ART3: variants seen among roughly 807,000 people sequenced by gnomAD.
The protein encoded by ART3 is ecto-ADP-ribosyltransferase 3.
Under a neutral mutation model 48.5 loss-of-function variants are expected in ART3, and 49 were observed. The observed-to-expected ratio is 1.01, with a 90% CI of 0.80 to 1.28. The LOEUF (loss-of-function observed/expected upper bound fraction) is 1.28. ART3 is among the 50% of genes most tolerant of loss of function. The probability of loss-of-function intolerance (pLI) is 0.00; values close to 1 mark genes in which losing one functional copy is unlikely to be tolerated. For missense variants in ART3, 438 were observed against 454.3 expected, an observed-to-expected ratio of 0.96 and a Z score of 0.33; for synonymous variants, 145 against 157.2, an observed-to-expected ratio of 0.92 and a Z score of 0.58.
chr4:76,048,541 A>G (rs916246500), intron 1 of ART3, among the ~76,000 whole-genome samples: 1 of 151,718 alleles, frequency 6.6e-6, no homozygotes, highest in Non-Finnish European at 1.5e-5. Context: ...AGAACCCACA[A>G]CGGTCCCTGG....
intron 1 of ART3, among the ~76,000 whole-genome samples, chr4:76,027,938 A>G (rs1733554362): frequency 6.6e-6 from 1 of 152,082 alleles, no homozygotes; most frequent in South Asian, 2.1e-4. Context: ...ACTAAGATGA[A>G]AATTAAAAGA....
At chr4:76,044,757 C>G (rs184540689) in intron 1 of ART3, among the ~76,000 whole-genome samples, 1 of 152,018 alleles carries the variant, frequency 6.6e-6, no homozygotes, top group East Asian at 1.9e-4. Context: ...CTCTTTCTCT[C>G]TTTCCTTCTT....
intron 3 of ART3, among the ~76,000 whole-genome samples, chr4:76,082,971 G>A (rs543793038): frequency 6.6e-6 from 1 of 152,134 alleles, no homozygotes; most frequent in Non-Finnish European, 1.5e-5. Flanking sequence ...CTACTATAAG[G>A]CTTACAATAA....
In ART3 at chr4:76,090,152, C is replaced by G. The variant is rs149414990; in HGVS notation, c.782-7492C>G. Reference sequence around the variant, plus strand: ...CCTCAGCCACTGTTTAGAAAAACCACAGATCTAATGGCAGGTCAGCCACAT... The same window carrying G: ...CCTCAGCCACTGTTTAGAAAAACCAGAGATCTAATGGCAGGTCAGCCACAT... On this transcript the variant is annotated intron_variant, in intron 3 of 11. Coordinates refer to ENST00000355810, the MANE Select transcript of ART3 (RefSeq NM_001130016.3). Among the ~76,000 whole-genome samples the G allele has an allele frequency of 6.6e-5, 10 of 152,298 alleles. 1 individual carries two copies. The highest frequency in any genetic ancestry group is 6.5e-4 in the Admixed American group (10 of 15,294).
At chr4:76,109,102 C>T (rs6838303) in intron 11 of ART3, among the ~76,000 whole-genome samples, 21,820 of 151,932 alleles carry the variant, frequency 0.14, 1,726 homozygotes, top group East Asian at 0.35. Flanking sequence ...GTAAATTAAC[C>T]GTAGCTTAAT....
intron 1 of ART3, among the ~76,000 whole-genome samples, chr4:76,014,541 C>T (rs1175720135): frequency 1.3e-5 from 2 of 152,014 alleles, no homozygotes; most frequent in Non-Finnish European, 2.9e-5. Context: ...TGAACAAAGC[C>T]TAAGAGACCT....
intron 1 of ART3, among the ~76,000 whole-genome samples, chr4:76,052,585 T>C (rs1197160686): frequency 6.6e-6 from 1 of 152,172 alleles, no homozygotes; most frequent in Non-Finnish European, 1.5e-5. Flanking sequence ...TTAAGTAGTT[T>C]CTCATCATCC....
chr4:76,028,305 G>A (rs1357204933), intron 1 of ART3, among the ~76,000 whole-genome samples: 1 of 152,072 alleles, frequency 6.6e-6, no homozygotes, highest in Non-Finnish European at 1.5e-5. Flanking sequence ...CTCAATTTTT[G>A]CAACGTTTAT....
intron 11 of ART3, among the ~76,000 whole-genome samples, chr4:76,109,561 AAAT>A (rs75725217): frequency 0.15 from 22,433 of 152,136 alleles, 1,788 homozygotes; most frequent in East Asian, 0.35. Context: ...GTTTATTATC[AAAT>A]GTTATGTATT....
At chr4:76,023,277 A>C in intron 1 of ART3, 1 of 988,924 alleles carries the variant, frequency 1.0e-6, no homozygotes, top group Middle Eastern at 2.1e-4. Flanking sequence ...GCATGCAGTG[A>C]AACTTTTACA....
chr4:76,053,032 G>A (rs909170562), intron 1 of ART3, among the ~76,000 whole-genome samples: 6 of 152,122 alleles, frequency 3.9e-5, no homozygotes, highest in Admixed American at 2.6e-4. Flanking sequence ...CCCAGCTGGT[G>A]TGTACCAAAT....
upstream of ART3, among the ~76,000 whole-genome samples, chr4:76,071,406 T>C (rs970653398): frequency 6.6e-6 from 1 of 152,076 alleles, no homozygotes; most frequent in Non-Finnish European, 1.5e-5. Context: ...CTTCTTTACC[T>C]TTTCCCTGGT....
At chr4:76,073,572 T>C (rs921377986), upstream of ART3, among the ~76,000 whole-genome samples, 18 of 152,106 alleles carry the variant, frequency 1.2e-4, no homozygotes, top group African/African-American at 4.3e-4. Flanking sequence ...TATATGTGTG[T>C]ACAAAAAAAA....
At chr4:76,029,388 C>T (rs79407405) in intron 1 of ART3, among the ~76,000 whole-genome samples, 16,217 of 152,122 alleles carry the variant, frequency 0.11, 1,079 homozygotes, top group African/African-American at 0.18. Context: ...TACATCTGTA[C>T]TTATGGTGCC....
intron 11 of ART3, among the ~76,000 whole-genome samples, chr4:76,108,520 T>C (rs1412650130): frequency 6.6e-6 from 1 of 151,912 alleles, no homozygotes; most frequent in East Asian, 1.9e-4. Flanking sequence ...CTGCAGGATA[T>C]CTATCCCTCT....
At chr4:76,014,227 G>T (rs1353270587) in intron 1 of ART3, among the ~76,000 whole-genome samples, 1 of 151,982 alleles carries the variant, frequency 6.6e-6, no homozygotes, top group Admixed American at 6.6e-5. Context: ...ACAGTCTTTG[G>T]ACTTACTAGA....
intron 10 of ART3, chr4:76,106,102 T>C (rs1359442986): frequency 2.0e-6 from 2 of 985,144 alleles, no homozygotes; most frequent in African/African-American, 1.7e-5. Context: ...TTATTGACAC[T>C]TCAGAGATGA....
intron 2 of ART3, among the ~76,000 whole-genome samples, chr4:76,079,655 A>G (rs577992854): frequency 7.2e-5 from 11 of 152,244 alleles, no homozygotes; most frequent in Admixed American, 7.2e-4. Flanking sequence ...GTCTAAGAAG[A>G]AATGCTCCCT....
chr4:76,037,922 A>G (rs943600024), intron 1 of ART3, among the ~76,000 whole-genome samples: 5 of 152,198 alleles, frequency 3.3e-5, no homozygotes, highest in Admixed American at 2.6e-4. Flanking sequence ...TTTGAGAATT[A>G]TCATTTGCAT....
Sources: gnomAD v4.1 joint callset for allele counts (sites outside exome capture counted in the v4.1 genomes callset) on GRCh38, gnomAD v4.1.1 for gene constraint, MANE v1.5 for transcripts, NCBI Gene and HGNC (gene_info 2026-07-23, HGNC 2026-07-21) for gene names.